The following HCN1 variants were observed in gnomAD, a reference collection of about 807,000 sequenced individuals.
The protein encoded by HCN1 is potassium/sodium hyperpolarization-activated cyclic nucleotide-gated channel 1.
A neutral mutation model predicts 78.9 loss-of-function variants in HCN1; 13 were observed. That is an observed-to-expected ratio of 0.16 (90% CI 0.11 to 0.26). The LOEUF (loss-of-function observed/expected upper bound fraction) is 0.26, where lower values mean the gene tolerates loss of function less well. HCN1 is among the 10% of genes least tolerant of loss of function. The pLI is 1.00. For synonymous variants in HCN1, 552 were observed against 455.5 expected (o/e 1.21, Z -2.70); for missense variants, 810 against 1,154.3 (o/e 0.70, Z 4.32).
chr5:45,345,197 C>A (rs1402501649), intron 5 of HCN1, among the ~76,000 whole-genome samples: 1 of 152,198 alleles, frequency 6.6e-6, no homozygotes, highest in Admixed American at 6.5e-5. Context: ...GCTGAAACAA[C>A]TGGGATGCAG....
intron 5 of HCN1, among the ~76,000 whole-genome samples, chr5:45,342,481 A>G (rs567559857): frequency 1.3e-5 from 2 of 151,328 alleles, no homozygotes; most frequent in South Asian, 2.1e-4. Flanking sequence ...CAGGTGATCC[A>G]CCTGCCTCGG....
At chr5:45,424,287 C>T (rs377342572) in intron 3 of HCN1, among the ~76,000 whole-genome samples, 6 of 151,570 alleles carry the variant, frequency 4.0e-5, no homozygotes, top group African/African-American at 7.3e-5. Context: ...AGCTAGACTC[C>T]GCCTCAAACA....
chr5:45,686,626 T>G (rs1228688546), intron 1 of HCN1, among the ~76,000 whole-genome samples: 1 of 152,220 alleles, frequency 6.6e-6, no homozygotes, highest in Non-Finnish European at 1.5e-5. Context: ...CACCTTTAGA[T>G]CATTCTGGAG....
intron 4 of HCN1, among the ~76,000 whole-genome samples, chr5:45,371,750 C>A (rs1431822351): frequency 1.4e-5 from 2 of 142,328 alleles, no homozygotes; most frequent in Non-Finnish European, 3.0e-5. Flanking sequence ...GTGAGAGACT[C>A]CATCTCAAAA....
At chr5:45,665,920 A>T (rs1009144392) in intron 1 of HCN1, among the ~76,000 whole-genome samples, 1 of 152,070 alleles carries the variant, frequency 6.6e-6, no homozygotes, top group Non-Finnish European at 1.5e-5. Flanking sequence ...AAGGAGCTTT[A>T]GACAAGCTAG....
At chr5:45,312,077 G>T (rs1745861543) in intron 5 of HCN1, among the ~76,000 whole-genome samples, 1 of 152,188 alleles carries the variant, frequency 6.6e-6, no homozygotes, top group African/African-American at 2.4e-5. Flanking sequence ...AGATAGAAAT[G>T]TTTATGTCAG....
intron 1 of HCN1, among the ~76,000 whole-genome samples, chr5:45,682,380 T>A (rs1048843241): frequency 6.6e-6 from 1 of 151,034 alleles, no homozygotes; most frequent in Non-Finnish European, 1.5e-5. Context: ...TTAATTGTAA[T>A]GGCTTCAACT....
intron 6 of HCN1, among the ~76,000 whole-genome samples, chr5:45,267,688 A>G (rs1484492101): frequency 1.2e-4 from 18 of 152,110 alleles, no homozygotes; most frequent in Admixed American, 1.2e-3. Context: ...GAATCACTTG[A>G]ACCTGGGAGG....
chr5:45,487,362 A>C (rs542433622), intron 2 of HCN1, among the ~76,000 whole-genome samples: 1 of 152,270 alleles, frequency 6.6e-6, no homozygotes, highest in Non-Finnish European at 1.5e-5. Flanking sequence ...TTTTCCTAAA[A>C]ATATTTCTTG....
In HCN1 at chr5:45,372,365, A is replaced by G. The variant is rs1429433656; in HGVS notation, c.1231-19119T>C. On this transcript the variant is annotated intron_variant, in intron 4 of 7. Coordinates refer to ENST00000303230, the MANE Select transcript of HCN1 (RefSeq NM_021072.4). ...CATATATATTTTACATATTATATAT[A>G]AAACATATATATTATATAAATATGT... Among the ~76,000 whole-genome samples, 6 of 109,632 alleles carry G rather than the reference A, an allele frequency of 5.5e-5. No homozygotes were observed. In the South Asian group the frequency reaches 1.5e-3, roughly 28 times the overall value. The allele number at this position is 109,632 out of a possible 152,430, so 71.9% of individuals were successfully genotyped here.
At chr5:45,570,764 A>G (rs1743811319) in intron 2 of HCN1, among the ~76,000 whole-genome samples, 1 of 152,108 alleles carries the variant, frequency 6.6e-6, no homozygotes, top group South Asian at 2.1e-4. Context: ...GGATAAGTAG[A>G]TAAATAGAGT....
At chr5:45,692,457 C>T (rs1321653175) in intron 1 of HCN1, among the ~76,000 whole-genome samples, 5 of 152,040 alleles carry the variant, frequency 3.3e-5, no homozygotes, top group Non-Finnish European at 7.4e-5. Flanking sequence ...CCCTATTTTC[C>T]CTAGTTTGGG....
At chr5:45,264,501 A>G (rs1329466698) in intron 7 of HCN1, among the ~76,000 whole-genome samples, 1 of 152,246 alleles carries the variant, frequency 6.6e-6, no homozygotes, top group Non-Finnish European at 1.5e-5. Context: ...GAAGATAAAT[A>G]TGTATTGTAA....
At chr5:45,493,716 C>A (rs1199758388) in intron 2 of HCN1, among the ~76,000 whole-genome samples, 1 of 151,622 alleles carries the variant, frequency 6.6e-6, no homozygotes, top group Non-Finnish European at 1.5e-5. Context: ...CGTCATCTAG[C>A]ATTAGGTATA....
chr5:45,546,426 T>C (rs1452640046), intron 2 of HCN1, among the ~76,000 whole-genome samples: 1 of 151,914 alleles, frequency 6.6e-6, no homozygotes. Context: ...TACCACAGTG[T>C]AATATCCAAA....
At chr5:45,560,730 C>T (rs1331903655) in intron 2 of HCN1, among the ~76,000 whole-genome samples, 1 of 151,986 alleles carries the variant, frequency 6.6e-6, no homozygotes, top group Admixed American at 6.6e-5. Context: ...TATATTCACA[C>T]ACTTAAATCA....
At chr5:45,288,833 T>C (rs983923360) in intron 6 of HCN1, among the ~76,000 whole-genome samples, 2 of 151,902 alleles carry the variant, frequency 1.3e-5, no homozygotes, top group Non-Finnish European at 2.9e-5. Flanking sequence ...TAAGAGTAAG[T>C]AAAACCTGGG....
intron 2 of HCN1, among the ~76,000 whole-genome samples, chr5:45,463,652 A>G (rs1741209932): frequency 6.6e-6 from 1 of 151,978 alleles, no homozygotes; most frequent in Non-Finnish European, 1.5e-5. Context: ...ATAAATAGAA[A>G]CTCTACTAAC....
chr5:45,350,736 C>A (rs1182573901), intron 5 of HCN1, among the ~76,000 whole-genome samples: 2 of 151,328 alleles, frequency 1.3e-5, no homozygotes, highest in Non-Finnish European at 2.9e-5. Flanking sequence ...CAACAACAGA[C>A]AAACAGAGAG....
Sources: gnomAD v4.1 joint callset for allele counts (sites outside exome capture counted in the v4.1 genomes callset) on GRCh38, gnomAD v4.1.1 for gene constraint, MANE v1.5 for transcripts, NCBI Gene and HGNC (gene_info 2026-07-23, HGNC 2026-07-21) for gene names.